The following ZBTB5 variants were observed in gnomAD, a reference collection of about 807,000 sequenced individuals.
ZBTB5 encodes zinc finger and BTB domain-containing protein 5.
In ZBTB5, 15 loss-of-function variants were observed where a neutral mutation model predicts 37.9. That is an observed-to-expected ratio of 0.40 (90% confidence interval 0.26 to 0.61). The LOEUF (loss-of-function observed/expected upper bound fraction) is 0.61. Among genes scored for constraint, ZBTB5 ranks in the 20% least tolerant of loss-of-function variants. The pLI is 0.47. For missense variants in ZBTB5, 708 were observed against 856.8 expected (o/e 0.83, Z 2.17); for synonymous variants, 315 against 312.4 (o/e 1.01, Z -0.09).
At chr9:37,456,558 T>G (rs1824191409) in intron 1 of ZBTB5, among the ~76,000 whole-genome samples, 1 of 152,202 alleles carries the variant, frequency 6.6e-6, no homozygotes, top group Non-Finnish European at 1.5e-5. Context: ...CCTGACCATC[T>G]CACCTAACTC....
At chr9:37,450,914 G>A (rs183897218) in intron 1 of ZBTB5, among the ~76,000 whole-genome samples, 246 of 151,998 alleles carry the variant, frequency 1.6e-3, no homozygotes, top group Non-Finnish European at 2.4e-3. Context: ...ATATATACAT[G>A]TAATTACCAA....
chr9:37,457,717 C>G (rs1824217364), intron 1 of ZBTB5, among the ~76,000 whole-genome samples: 1 of 152,228 alleles, frequency 6.6e-6, no homozygotes, highest in Non-Finnish European at 1.5e-5. Context: ...TTGGAGAAGG[C>G]AAAGGTTATT....
intron 1 of ZBTB5, among the ~76,000 whole-genome samples, chr9:37,457,073 T>G (rs563101239): frequency 6.6e-6 from 1 of 152,150 alleles, no homozygotes; most frequent in East Asian, 1.9e-4. Context: ...GCTGCTTAAA[T>G]GAAGTTAAGC....
rs1468449971 is a variant in ZBTB5, at chr9:37,440,739, A to G, written c.1813T>C (p.Leu605=). ...CKKALSEHNV[L]VVEGARKYAC... is the part of the protein sequence containing the mutation. The stretch of plus-strand genomic sequence containing the variant: ...TACTTGCGAGCTCCCTCTACAACCA[A>G]AACATTGTGCTCTGATAAGGCCTTC... The change falls in exon 2 of 2, where the codon TTG becomes CTG. Residue 605 remains leucine, a synonymous_variant. Coordinates refer to ENST00000307750, the MANE Select transcript of ZBTB5 (RefSeq NM_014872.3). 1 of 1,614,096 alleles carries G rather than the reference A, an allele frequency of 6.2e-7. No individual in the cohort carries two copies. Among genetic ancestry groups the G allele is most frequent in the Admixed American group, 1.7e-5 (1 of 60,006 alleles).
chr9:37,441,091 G>T lies in ZBTB5; in HGVS notation c.1461C>A (p.Gly487=), dbSNP rs931955880. ...HFVRPMQEVM[G]LPCVQTSGYQ... ...AGCCTGAAGTCTGCACACACGGCAG[G>T]CCCATCACCTCCTGCATAGGCCTGA... Residue 487 remains glycine, a synonymous_variant, in exon 2 of 2, where the codon GGC becomes GGA. Coordinates refer to ENST00000307750, the MANE Select transcript of ZBTB5 (RefSeq NM_014872.3). 6.2e-7 allele frequency: 1 copy of T among 1,614,058 alleles called. No homozygotes were observed. The highest frequency in any genetic ancestry group is 1.1e-5 in the South Asian group (1 of 91,080).
chr9:37,460,197 G>C (rs1588784714), intron 1 of ZBTB5, among the ~76,000 whole-genome samples: 2 of 152,166 alleles, frequency 1.3e-5, no homozygotes, highest in South Asian at 4.1e-4. Flanking sequence ...CAGCACTTTG[G>C]GAGGCCGAGG....
chr9:37,448,873 G>A (rs1014320476), intron 1 of ZBTB5, among the ~76,000 whole-genome samples: 2 of 151,888 alleles, frequency 1.3e-5, no homozygotes, highest in African/African-American at 4.8e-5. Flanking sequence ...GTGAAACCCC[G>A]ACTCTACTAA....
In ZBTB5 at chr9:37,442,191, T is replaced by C; in HGVS notation, c.361A>G (p.Thr121Ala). Residue 121 changes from threonine to alanine, a missense_variant, in exon 2 of 2, where the codon ACA (threonine) becomes GCA (alanine). Thr to Ala is a moderately conservative substitution (Grantham distance 58, BLOSUM62 0). Around this residue, in one of 3 missense-constraint regions of ZBTB5, gnomAD observed 639 missense variants for 690.5 expected, o/e 0.93. Coordinates refer to ENST00000307750, the MANE Select transcript of ZBTB5 (RefSeq NM_014872.3). Reference sequence around the variant, plus strand: ...GGGGGAGACATGGGCAGCGTCCTTGTCGTTAAGTAATGTTTACATGCCTTA... The same window carrying C: ...GGGGGAGACATGGGCAGCGTCCTTGCCGTTAAGTAATGTTTACATGCCTTA... Reference protein sequence around the residue: ...VVKACKHYLTTRTLPMSPPSE... With the variant: ...VVKACKHYLTARTLPMSPPSE... 1 of 1,614,252 alleles carries C rather than the reference T, an allele frequency of 6.2e-7. No individual in the cohort carries two copies. Among genetic ancestry groups the C allele is most frequent in the South Asian group, 1.1e-5 (1 of 91,090 alleles).
At chr9:37,464,676 C>T (rs1419623660) in intron 1 of ZBTB5, among the ~76,000 whole-genome samples, 1 of 152,246 alleles carries the variant, frequency 6.6e-6, no homozygotes, top group East Asian at 1.9e-4. Context: ...GAGTAGTGGG[C>T]ATTCAATAAA....
intron 1 of ZBTB5, among the ~76,000 whole-genome samples, chr9:37,447,702 T>G (rs1250483229): frequency 6.6e-6 from 1 of 152,182 alleles, no homozygotes; most frequent in Non-Finnish European, 1.5e-5. Context: ...ATTATTTTCC[T>G]GAGTTAATAG....
Position 37,441,447 on chromosome 9 carries a change from CTA to C in ZBTB5, c.1103_1104del (p.Ile368ArgfsTer5). The C allele has an allele frequency of 6.2e-7, 1 of 1,613,674 alleles. No homozygotes were observed. Among genetic ancestry groups the C allele is most frequent in the Non-Finnish European group, 8.5e-7 (1 of 1,179,956 alleles). On this transcript the variant is annotated frameshift_variant, in exon 2 of 2. Transcript: ENST00000307750. LOFTEE classifies it high-confidence loss of function. ...VEGVVVSAEK[I>X]DLSPESSDRS... ...CGATCACTGCTTTCAGGGCTGAGGTCTATCTTCTCGGCACTGACCACAACTCC... is the reference window on the plus strand; with the variant it reads ...CGATCACTGCTTTCAGGGCTGAGGTCTCTTCTCGGCACTGACCACAACTCC...
chr9:37,450,154 CCT>C (rs1824075914), intron 1 of ZBTB5, among the ~76,000 whole-genome samples: 1 of 152,134 alleles, frequency 6.6e-6, no homozygotes, highest in African/African-American at 2.4e-5. Context: ...TTCAGAAGCT[CCT>C]CTGTCTCACT....
chr9:37,453,361 T>C (rs1339722297), intron 1 of ZBTB5, among the ~76,000 whole-genome samples: 1 of 151,984 alleles, frequency 6.6e-6, no homozygotes, highest in African/African-American at 2.4e-5. Context: ...TTTTTTTTTT[T>C]GTAGAGACAA....
At position 37,442,055 on chromosome 9, in the gene ZBTB5, T is replaced by C. The variant is rs1453535446; in HGVS notation, c.497A>G (p.Glu166Gly). 14 of 1,613,774 alleles carry C rather than the reference T, an allele frequency of 8.7e-6. No homozygotes were observed. The highest frequency in any genetic ancestry group is 1.1e-5 in the Non-Finnish European group (13 of 1,180,054). Residue 166 changes from glutamate (E) to glycine (G), a missense_variant, in exon 2 of 2, where the codon GAG becomes GGG. This residue lies in a region of ZBTB5 where 639 missense variants were observed against 690.5 expected (regional missense o/e 0.93). Coordinates refer to ENST00000307750, the MANE Select transcript of ZBTB5 (RefSeq NM_014872.3). ...SALNSSQNGEEQPAPMSSSMR... is the reference protein window; with the variant it reads ...SALNSSQNGEGQPAPMSSSMR... ...GGAAGAGCTCATGGGGGCTGGCTGC[T>C]CCTCGCCATTCTGGCTGGAATTGAG...
chr9:37,445,145 G>A (rs979266863), intron 1 of ZBTB5, among the ~76,000 whole-genome samples: 2 of 151,690 alleles, frequency 1.3e-5, no homozygotes, highest in South Asian at 2.1e-4. Flanking sequence ...TAGTTCATTC[G>A]TAGACAATAT....
At chr9:37,444,054 G>GC (rs1823931902) in intron 1 of ZBTB5, among the ~76,000 whole-genome samples, 1 of 152,308 alleles carries the variant, frequency 6.6e-6, no homozygotes, top group East Asian at 1.9e-4. Flanking sequence ...CTGCACTCCA[G>GC]CCTAAGCAAC....
intron 1 of ZBTB5, among the ~76,000 whole-genome samples, chr9:37,451,492 A>G (rs1279008967): frequency 7.1e-6 from 1 of 140,322 alleles, no homozygotes; most frequent in Non-Finnish European, 1.5e-5. Context: ...TGGGAGATGG[A>G]GATTGCACTG....
Position 37,441,064 on chromosome 9 carries a change from G to A in ZBTB5, c.1488C>T (p.Tyr496=), listed in dbSNP as rs1040231424. 3.1e-6 allele frequency: 5 copies of A among 1,614,086 alleles called. No homozygotes were observed. The highest frequency in any genetic ancestry group is 4.2e-6 in the Non-Finnish European group (5 of 1,180,020). ...MGLPCVQTSG[Y]QGGEQFGMDF... ...CCATCCCAAACTGTTCTCCTCCTTG[G>A]TAGCCTGAAGTCTGCACACACGGCA... Residue 496 remains tyrosine, a synonymous_variant, in exon 2 of 2, where the codon TAC becomes TAT. Coordinates refer to ENST00000307750, the MANE Select transcript of ZBTB5 (RefSeq NM_014872.3).
chr9:37,447,836 A>C (rs1824018959), intron 1 of ZBTB5, among the ~76,000 whole-genome samples: 1 of 151,300 alleles, frequency 6.6e-6, no homozygotes, highest in Non-Finnish European at 1.5e-5. Context: ...TAAGCAAAAG[A>C]ACTTATATGA....
Sources: gnomAD v4.1 joint callset for allele counts (sites outside exome capture counted in the v4.1 genomes callset) on GRCh38, gnomAD v4.1.1 for gene constraint, gnomAD v4.1.1 regional missense constraint, MANE v1.5 for transcripts, NCBI Gene and HGNC (gene_info 2026-07-23, HGNC 2026-07-21) for gene names.